RALGAPA1: variants seen among roughly 807,000 people sequenced by gnomAD.
The protein encoded by RALGAPA1 is Ral GTPase activating protein catalytic subunit alpha 1, also known as ral GTPase-activating protein subunit alpha-1.
In RALGAPA1, 52 loss-of-function variants were observed where a neutral mutation model predicts 269.6. The observed-to-expected ratio is 0.19, with a 90% CI of 0.15 to 0.24. The LOEUF (loss-of-function observed/expected upper bound fraction) is 0.24. Ranked by LOEUF, RALGAPA1 falls within the 10% of genes least tolerant of loss-of-function variation. RALGAPA1 has a pLI of 1.00. For missense variants in RALGAPA1, 1,917 were observed against 3,013.9 expected, an observed-to-expected ratio of 0.64 and a Z score of 8.52; for synonymous variants, 817 against 1,008.3, an observed-to-expected ratio of 0.81 and a Z score of 3.60.
chr14:35,639,729 G>A (rs1288882427), intron 31 of RALGAPA1, among the ~76,000 whole-genome samples: 34 of 152,046 alleles, frequency 2.2e-4, no homozygotes, highest in Admixed American at 2.2e-3. Flanking sequence ...CATGAGGTCA[G>A]GAGATTGAGA....
At chr14:35,644,341 T>C (rs989408815) in intron 31 of RALGAPA1, among the ~76,000 whole-genome samples, 1 of 152,070 alleles carries the variant, frequency 6.6e-6, no homozygotes, top group African/African-American at 2.4e-5. Context: ...TGTTCATTTG[T>C]GAAAAAACAA....
intron 1 of RALGAPA1, chr14:35,807,732 T>G (rs2077475134): frequency 1.3e-5 from 2 of 152,182 alleles, no homozygotes; most frequent in Admixed American, 1.3e-4. Flanking sequence ...GAGTAAACAA[T>G]AGACTAGAGA....
Position 35,624,780 on chromosome 14 carries a change from G to A in RALGAPA1, c.6929+581C>T, listed in dbSNP as rs144679079. On this transcript the variant is annotated intron_variant, in intron 35 of 41. Transcript: ENST00000680220. ...GCTTCCCAATCTGTCAGAATCACTGGATTTAATTAATGAGAGATGTGACTA... is the reference window on the plus strand; with the variant it reads ...GCTTCCCAATCTGTCAGAATCACTGAATTTAATTAATGAGAGATGTGACTA... Among the ~76,000 whole-genome samples, 93 of 152,146 alleles carry A rather than the reference G, an allele frequency of 6.1e-4. 1 individual carries two copies. Among genetic ancestry groups the A allele is most frequent in the African/African-American group, 2.2e-3 (91 of 41,508 alleles).
At chr14:35,662,110 A>G (rs1280393651) in intron 27 of RALGAPA1, among the ~76,000 whole-genome samples, 2 of 152,206 alleles carry the variant, frequency 1.3e-5, no homozygotes, top group East Asian at 3.8e-4. Context: ...AAAAAAATCA[A>G]ACAAGGTGAT....
chr14:35,754,438 T>C (rs1177054999), intron 7 of RALGAPA1, among the ~76,000 whole-genome samples: 1 of 152,110 alleles, frequency 6.6e-6, no homozygotes, highest in African/African-American at 2.4e-5. Context: ...CCAAGATATA[T>C]GGATGAAAAA....
At chr14:35,782,583 G>A (rs534526987) in intron 1 of RALGAPA1, among the ~76,000 whole-genome samples, 1 of 152,026 alleles carries the variant, frequency 6.6e-6, no homozygotes, top group South Asian at 2.1e-4. Context: ...ACATGCATGT[G>A]CCACCACACC....
At chr14:35,541,054 T>TTTTTTTTTTTTTTTTTTTTTG in intron 41 of RALGAPA1, among the ~76,000 whole-genome samples, 1 of 139,080 alleles carries the variant, frequency 7.2e-6, no homozygotes, top group Non-Finnish European at 1.5e-5. Flanking sequence ...TTTTTTTTTT[T>TTTTTTTTTTTTTTTTTTTTTG]TTTTTTTTTT....
intron 35 of RALGAPA1, among the ~76,000 whole-genome samples, chr14:35,607,887 C>A (rs2139237968): frequency 6.6e-6 from 1 of 152,266 alleles, no homozygotes; most frequent in South Asian, 2.1e-4. Flanking sequence ...AGTTCAAAAA[C>A]CCTGTGCACA....
At chr14:35,659,252 T>C in intron 27 of RALGAPA1, 56 bp from the exon 28 acceptor site, 1 of 1,308,788 alleles carries the variant, frequency 7.6e-7, no homozygotes, top group East Asian at 2.3e-5. Context: ...TCATTCATTC[T>C]ACAAATATTT....
rs1351904337 is a variant in RALGAPA1, at chr14:35,733,942, C to CAAATAAAT, written c.1587+4570_1587+4571insATTTATTT. ...AACTCAACCCCTTTTATTATAGCTGCAAATAAACAAATAAATAAATAAATA... is the reference window on the plus strand; with the variant it reads ...AACTCAACCCCTTTTATTATAGCTGCAAATAAATAAATAAACAAATAAATAAATAAATA... On this transcript the variant is annotated intron_variant, in intron 12 of 41. Transcript: ENST00000680220. Among the ~76,000 whole-genome samples the CAAATAAAT allele has an allele frequency of 3.6e-3, 538 of 151,542 alleles. 6 individuals are homozygous for CAAATAAAT. The highest frequency in any genetic ancestry group is 0.011 in the African/African-American group (467 of 41,232).
At chr14:35,654,506 A>T (rs759492901) in intron 29 of RALGAPA1, 29 bp from the exon 30 acceptor site, 3 of 1,561,572 alleles carry the variant, frequency 1.9e-6, no homozygotes, top group Non-Finnish European at 2.6e-6. Context: ...AGTTTTAAAA[A>T]TTTTCATGAT....
intron 33 of RALGAPA1, among the ~76,000 whole-genome samples, chr14:35,630,517 A>C (rs1015323390): frequency 2.0e-5 from 3 of 152,198 alleles, no homozygotes; most frequent in Admixed American, 6.5e-5. Context: ...CTTGACCCCA[A>C]GTGATCCACC....
chr14:35,758,384 T>C (rs2073391367), intron 6 of RALGAPA1, among the ~76,000 whole-genome samples: 1 of 151,918 alleles, frequency 6.6e-6, no homozygotes, highest in African/African-American at 2.4e-5. Context: ...TTTGTGAAGC[T>C]ATAAAAACCC....
At chr14:35,588,363 T>C (rs1459618171) in intron 37 of RALGAPA1, among the ~76,000 whole-genome samples, 1 of 152,228 alleles carries the variant, frequency 6.6e-6, no homozygotes. Context: ...GAAACAGGCA[T>C]CTTATTTGAC....
At chr14:35,728,143 T>G (rs185092801) in intron 13 of RALGAPA1, among the ~76,000 whole-genome samples, 2 of 152,352 alleles carry the variant, frequency 1.3e-5, no homozygotes, top group Admixed American at 6.5e-5. Flanking sequence ...TATGCTCACT[T>G]CAGGAAGACA....
intron 17 of RALGAPA1, among the ~76,000 whole-genome samples, chr14:35,691,033 C>T (rs2066434497): frequency 6.6e-6 from 1 of 151,708 alleles, no homozygotes; most frequent in African/African-American, 2.4e-5. Flanking sequence ...AATGCCACTG[C>T]ACTCCAGCCT....
rs1029052916 is a variant in RALGAPA1, at chr14:35,627,185, C to T, written c.6762G>A (p.Val2254=). ...TTTGAGGTATTGGTTCATCTTGTTC[C>T]ACAGCTTTCATGTTTAAGTCATTAA... ...KHFNDLNMKA[V]EQDEPIPQKP... is the part of the protein sequence containing the mutation. Residue 2254 remains valine, a synonymous_variant, in exon 34 of 42, where the codon GTG becomes GTA. Transcript: ENST00000680220. The T allele has an allele frequency of 1.9e-6, 3 of 1,594,176 alleles. No individual in the cohort carries two copies. The highest frequency in any genetic ancestry group is 3.7e-5 in the Admixed American group (2 of 54,448).
chr14:35,781,073 T>C (rs1353766293), intron 1 of RALGAPA1, among the ~76,000 whole-genome samples: 1 of 152,130 alleles, frequency 6.6e-6, no homozygotes, highest in African/African-American at 2.4e-5. Flanking sequence ...TAAACAAAAA[T>C]TGGTTCTTTG....
intron 1 of RALGAPA1, among the ~76,000 whole-genome samples, chr14:35,787,204 C>T (rs536726181): frequency 1.3e-5 from 2 of 152,348 alleles, no homozygotes; most frequent in East Asian, 3.9e-4. Context: ...ATGGTTCTCA[C>T]ACTATCTGTG....
Sources: gnomAD v4.1 joint callset for allele counts (sites outside exome capture counted in the v4.1 genomes callset) on GRCh38, gnomAD v4.1.1 for gene constraint, MANE v1.5 for transcripts, NCBI Gene and HGNC (gene_info 2026-07-23, HGNC 2026-07-21) for gene names.